The following TRPM6 variants were observed in gnomAD, a reference collection of about 807,000 sequenced individuals.
The protein encoded by TRPM6 is channel kinase 2.
Under a neutral mutation model 247.6 loss-of-function variants are expected in TRPM6, and 111 were observed. The observed-to-expected ratio is 0.45, with a 90% CI of 0.38 to 0.52. The LOEUF is 0.52. Ranked by LOEUF, TRPM6 falls within the 20% of genes least tolerant of loss-of-function variation. TRPM6 has a pLI of 0.00. For missense variants in TRPM6, 2,126 were observed against 2,421.5 expected, an observed-to-expected ratio of 0.88 and a Z score of 2.56; for synonymous variants, 892 against 853.8, an observed-to-expected ratio of 1.04 and a Z score of -0.78.
intron 27 of TRPM6, among the ~76,000 whole-genome samples, chr9:74,760,197 T>C (rs1478923856): frequency 3.9e-5 from 6 of 152,196 alleles, no homozygotes; most frequent in Non-Finnish European, 8.8e-5. Context: ...GCCTTTGCAT[T>C]CACTCACCGC....
At chr9:74,774,097 T>G (rs1827136106) in intron 24 of TRPM6, among the ~76,000 whole-genome samples, 1 of 152,186 alleles carries the variant, frequency 6.6e-6, no homozygotes, top group Admixed American at 6.5e-5. Flanking sequence ...CTGCCCCTTG[T>G]GTAAATGTCT....
intron 28 of TRPM6, 26 bp downstream of exon 28, chr9:74,755,327 G>C (rs1349880607): frequency 1.2e-6 from 2 of 1,613,300 alleles, no homozygotes; most frequent in Non-Finnish European, 1.7e-6. Flanking sequence ...GGGTTTTTGG[G>C]ATCCAAAATT....
intron 1 of TRPM6, among the ~76,000 whole-genome samples, chr9:74,879,131 A>T (rs1192738424): frequency 6.6e-6 from 1 of 152,038 alleles, no homozygotes; most frequent in Non-Finnish European, 1.5e-5. Flanking sequence ...AAATATCATT[A>T]AAAAAGAACC....
chr9:74,774,556 A>G (rs1200102806), intron 24 of TRPM6, among the ~76,000 whole-genome samples: 1 of 152,188 alleles, frequency 6.6e-6, no homozygotes, highest in African/African-American at 2.4e-5. Context: ...CAGCAAAAGC[A>G]TATCACCCTG....
At chr9:74,788,556 G>A (rs749843080) in intron 20 of TRPM6, 58 bp downstream of exon 20, 1 of 1,603,474 alleles carries the variant, frequency 6.2e-7, no homozygotes. Flanking sequence ...GTCTTTCAGT[G>A]GACACCTACA....
chr9:74,740,946 C>T (rs1825845936), intron 33 of TRPM6, among the ~76,000 whole-genome samples: 1 of 152,150 alleles, frequency 6.6e-6, no homozygotes, highest in African/African-American at 2.4e-5. Context: ...GTACCAATGT[C>T]ATACCCCAGA....
At chr9:74,764,847 G>A (rs1254734926) in intron 25 of TRPM6, among the ~76,000 whole-genome samples, 1 of 151,772 alleles carries the variant, frequency 6.6e-6, no homozygotes, top group African/African-American at 2.4e-5. Context: ...AATTTATTGA[G>A]GAAAAAAAAT....
At chr9:74,749,912 G>A (rs1417310745) in intron 30 of TRPM6, among the ~76,000 whole-genome samples, 1 of 152,154 alleles carries the variant, frequency 6.6e-6, no homozygotes, top group Non-Finnish European at 1.5e-5. Flanking sequence ...CCTTCTACCT[G>A]CTGGGTATCA....
At chr9:74,818,459 T>A (rs986342400) in intron 9 of TRPM6, among the ~76,000 whole-genome samples, 3 of 152,022 alleles carry the variant, frequency 2.0e-5, no homozygotes, top group African/African-American at 7.2e-5. Context: ...CCCGCCACTA[T>A]GCCTGGCTAA....
intron 27 of TRPM6, among the ~76,000 whole-genome samples, chr9:74,755,902 T>G (rs1826415728): frequency 6.6e-6 from 1 of 152,216 alleles, no homozygotes; most frequent in Admixed American, 6.5e-5. Context: ...AAAGAATTTG[T>G]GTTGGAATTC....
At chr9:74,753,653 G>GT (rs1271638733) in intron 28 of TRPM6, among the ~76,000 whole-genome samples, 1 of 152,166 alleles carries the variant, frequency 6.6e-6, no homozygotes, top group East Asian at 1.9e-4. Context: ...CTGTGATCAC[G>GT]TAACTATACT....
chr9:74,816,768 G>T lies in TRPM6; in HGVS notation c.1209C>A (p.Gly403=). 1 of 1,614,008 alleles carries T rather than the reference G, an allele frequency of 6.2e-7. No homozygotes were observed. The highest frequency in any genetic ancestry group is 8.5e-7 in the Non-Finnish European group (1 of 1,179,912). ...DLAILTALLK[G]TNLSASEQLN... ...ATTGCTCTGACGCTGATAAATTTGT[G>T]CCTAGGGTAAAAGAAAGGAACAATC... Residue 403 remains glycine, a splice_region_variant and synonymous_variant, in exon 11 of 39, where the codon GGC becomes GGA. Coordinates refer to ENST00000360774, the MANE Select transcript of TRPM6 (RefSeq NM_017662.5).
chr9:74,758,902 T>C (rs1826528272), intron 27 of TRPM6, among the ~76,000 whole-genome samples: 1 of 152,032 alleles, frequency 6.6e-6, no homozygotes, highest in Non-Finnish European at 1.5e-5. Flanking sequence ...CTACACAATA[T>C]CTACTCAAGT....
In TRPM6 at chr9:74,739,806, T is replaced by C; in HGVS notation, c.5404A>G (p.Ile1802Val). 1 of 1,614,156 alleles carries C rather than the reference T, an allele frequency of 6.2e-7. No individual in the cohort carries two copies. Among genetic ancestry groups the C allele is most frequent in the African/African-American group, 1.3e-5 (1 of 75,044 alleles). ...DDILKPGQVF[I>V]VKSFLPEVVR... ...ACCTCAGGAAGAAAGGACTTGACAA[T>C]GAAAACTTGTCCCGGCTTGAGAATG... The change falls in exon 34 of 39, where the codon ATT becomes GTT. Residue 1802 changes from isoleucine to valine, a missense_variant. Transcript: ENST00000360774.
intron 3 of TRPM6, among the ~76,000 whole-genome samples, chr9:74,844,696 T>A (rs1830052355): frequency 6.6e-6 from 1 of 152,234 alleles, no homozygotes; most frequent in African/African-American, 2.4e-5. Context: ...TCTTTTTTTA[T>A]CATTTGTGTG....
rs147167288 is a variant in TRPM6 at position 74,802,156 on chromosome 9, T to C, written c.1751A>G (p.His584Arg). 203 of 1,614,096 alleles carry C rather than the reference T, an allele frequency of 1.3e-4. 1 individual carries two copies. In the South Asian group the frequency reaches 1.5e-3, roughly 12 times the overall value. The change falls in exon 16 of 39, where the codon CAT (histidine) becomes CGT (arginine). Residue 584 changes from histidine (H) to arginine (R), a missense_variant. Physicochemically the swap from His to Arg is conservative, Grantham distance 29 (BLOSUM62 0). Transcript: ENST00000360774. The part of the protein sequence containing the change: ...YKFKEKSIVL[H>R]KSRKKSKEQN... ...TTCTTTTGACTTCTTCCTTGATTTATGAAGGACTATAGACTTTTCCTGTTG... is the reference window on the plus strand; with the variant it reads ...TTCTTTTGACTTCTTCCTTGATTTACGAAGGACTATAGACTTTTCCTGTTG...
chr9:74,812,884 T>C (rs548781103), intron 11 of TRPM6, among the ~76,000 whole-genome samples: 1 of 152,254 alleles, frequency 6.6e-6, no homozygotes, highest in African/African-American at 2.4e-5. Context: ...GGCAAGACCC[T>C]GTCTTGAATG....
At chr9:74,781,551 A>AAAAAAAG (rs1554698840) in intron 23 of TRPM6, among the ~76,000 whole-genome samples, 1 of 148,426 alleles carries the variant, frequency 6.7e-6, no homozygotes, top group African/African-American at 2.5e-5. Context: ...AAAAAAAAAA[A>AAAAAAAG]AAGAAGAAAA....
At chr9:74,856,463 G>GTCTC (rs1447348227) in intron 2 of TRPM6, among the ~76,000 whole-genome samples, 119 of 92,692 alleles carry the variant, frequency 1.3e-3, no homozygotes, top group African/African-American at 6.1e-3. Flanking sequence ...GTGTGTGTGT[G>GTCTC]TGTCTGTGTG....
Sources: gnomAD v4.1 joint callset for allele counts (sites outside exome capture counted in the v4.1 genomes callset) on GRCh38, gnomAD v4.1.1 for gene constraint, MANE v1.5 for transcripts, NCBI Gene and HGNC (gene_info 2026-07-23, HGNC 2026-07-21) for gene names.